MYL3: variants seen among roughly 807,000 people sequenced by gnomAD.
MYL3 encodes the protein CMLC1.
In MYL3, 11 loss-of-function variants were observed where a neutral mutation model predicts 21.3. The observed-to-expected ratio is 0.52, with a 90% CI of 0.32 to 0.85. MYL3 has a LOEUF of 0.85. Among genes scored for constraint, MYL3 ranks in the 40% least tolerant of loss-of-function variants. The probability of loss-of-function intolerance (pLI) is 0.03; values close to 1 mark genes in which losing one functional copy is unlikely to be tolerated. For synonymous variants in MYL3, 88 were observed against 91.6 expected, an observed-to-expected ratio of 0.96 and a Z score of 0.22; for missense variants, 206 against 253.3, an observed-to-expected ratio of 0.81 and a Z score of 1.27.
chr3:46,859,458 G>T lies in MYL3; in HGVS notation c.481+17C>A, dbSNP rs924025543. ...GTCCCTGGAAGGAGTTGGGGTAGGG[G>T]AGGAGGCTGCCCTCACCCAGCGTGG... On this transcript the variant is annotated intron_variant, in intron 4 of 6. Transcript: ENST00000292327. This position sits in a 1 kb window ranked among gnomAD's most constrained non-coding sequence, Gnocchi z 4.1. The T allele has an allele frequency of 1.2e-6, 2 of 1,613,824 alleles. No individual in the cohort carries two copies. The highest frequency in any genetic ancestry group is 1.7e-6 in the Non-Finnish European group (2 of 1,179,974).
intron 1 of MYL3, chr3:46,877,818 C>G (rs771844578): frequency 1.3e-5 from 2 of 152,266 alleles, no homozygotes; most frequent in Non-Finnish European, 1.5e-5. Flanking sequence ...GCTTTAGGCC[C>G]GACTTGGAAG....
In MYL3 at chr3:46,858,383, C is replaced by T. The variant is rs113453656; in HGVS notation, c.559+1G>A. ...AAGACCCCTGCCCCTGCTGAGCCCA[C>T]CTTCATAGTTGATGCAGCCATTGGA... is the stretch of plus-strand genomic sequence containing the variant. On this transcript the variant is annotated splice_donor_variant, in intron 5 of 6. Transcript: ENST00000292327. LOFTEE classifies it high-confidence loss of function. The T allele has an allele frequency of 6.2e-7, 1 of 1,614,158 alleles. No homozygotes were observed. The highest frequency in any genetic ancestry group is 1.1e-5 in the South Asian group (1 of 91,090).
At chr3:46,871,897 T>C (rs767247043) in intron 1 of MYL3, among the ~76,000 whole-genome samples, 2 of 152,204 alleles carry the variant, frequency 1.3e-5, no homozygotes, top group Non-Finnish European at 2.9e-5. Context: ...TAGGAGACAC[T>C]GGAGCATCAT....
At chr3:46,869,972 G>A (rs1340894374) in intron 1 of MYL3, among the ~76,000 whole-genome samples, 1 of 152,008 alleles carries the variant, frequency 6.6e-6, no homozygotes, top group African/African-American at 2.4e-5. Context: ...CTGGAGACAG[G>A]GACCCTTGGC....
At chr3:46,868,817 G>A (rs1452279218) in intron 1 of MYL3, among the ~76,000 whole-genome samples, 1 of 152,194 alleles carries the variant, frequency 6.6e-6, no homozygotes, top group East Asian at 1.9e-4. Context: ...GAGGGAGATT[G>A]AAAATGTGTC....
Position 46,874,548 on chromosome 3 carries a change from G to A in MYL3, c.-218+7526C>T, listed in dbSNP as rs2030081108. Among the ~76,000 whole-genome samples, 2 of 151,954 alleles carry A rather than the reference G, an allele frequency of 1.3e-5. No homozygotes were observed. Among genetic ancestry groups the A allele is most frequent in the Non-Finnish European group, 2.9e-5 (2 of 67,994 alleles). ...CCTGGCCCCCTCCTCCCTTCAAACC[G>A]CAGGGCCCAGCCGGCCTCTGGAACG... On this transcript the variant is annotated intron_variant, in intron 1 of 3. Transcript: ENST00000431168. This position sits in a 1 kb window ranked among gnomAD's most constrained non-coding sequence, Gnocchi z 4.1.
intron 1 of MYL3, among the ~76,000 whole-genome samples, chr3:46,862,269 G>A (rs1204381932): frequency 6.6e-6 from 1 of 152,212 alleles, no homozygotes; most frequent in African/African-American, 2.4e-5. Context: ...CATATACTCT[G>A]AATGGTTCCC....
intron 1 of MYL3, chr3:46,880,230 G>A (rs1355620659): frequency 1.3e-5 from 2 of 152,306 alleles, no homozygotes; most frequent in Non-Finnish European, 2.9e-5. Context: ...AGGGAGGGGA[G>A]TGTCCTTTAC....
chr3:46,867,614 T>C (rs922111666), upstream of MYL3, among the ~76,000 whole-genome samples: 1 of 152,204 alleles, frequency 6.6e-6, no homozygotes, highest in Admixed American at 6.5e-5. Flanking sequence ...CACGTGCCCT[T>C]GTCCCCTGGG....
Position 46,861,110 on chromosome 3 carries a change from GC to G in MYL3, c.130-124del. On this transcript the variant is annotated intron_variant, in intron 1 of 6. Transcript: ENST00000292327. The surrounding 1 kb of genome is among the most constrained non-coding windows in gnomAD (Gnocchi z 4.2). ...CAGCCTGTCCCATTCCAGCATCCCA[GC>G]CTGCACCCCCAGGACCTCCTGCAGT... 8.7e-7 allele frequency: 1 copy of G among 1,155,120 alleles called. No individual in the cohort carries two copies. Among genetic ancestry groups the G allele is most frequent in the Non-Finnish European group, 1.3e-6 (1 of 776,168 alleles). The allele number at this position is 1,155,120 out of a possible 1,614,324, so 71.6% of individuals were successfully genotyped here.
chr3:46,878,996 G>A lies in MYL3; in HGVS notation c.-218+3078C>T, dbSNP rs187047815. On this transcript the variant is annotated intron_variant, in intron 1 of 3. Coordinates refer to the MYL3 transcript ENST00000431168. ...GACTCTGAGCCCCTGGGGCGTGCTT[G>A]TCAAAAAGGGCAAGCTGACTCTGCC... Among the ~76,000 whole-genome samples the A allele has an allele frequency of 1.5e-3, 226 of 152,342 alleles. 2 individuals are homozygous for A. The highest frequency in any genetic ancestry group is 6.1e-3 in the Admixed American group (93 of 15,312).
Position 46,879,200 on chromosome 3 carries a change from C to T in MYL3, c.-218+2874G>A, listed in dbSNP as rs1361690178. Among the ~76,000 whole-genome samples the T allele has an allele frequency of 6.6e-6, 1 of 152,106 alleles. No homozygotes were observed. Among genetic ancestry groups the T allele is most frequent in the Non-Finnish European group, 1.5e-5 (1 of 68,010 alleles). ...GCAGGAGGAATGCCCTTAAGGGACCCAGCACCCATCAGATTCCTCTCTGCA... is the reference window on the plus strand; with the variant it reads ...GCAGGAGGAATGCCCTTAAGGGACCTAGCACCCATCAGATTCCTCTCTGCA... On this transcript the variant is annotated intron_variant, in intron 1 of 3. Coordinates refer to the MYL3 transcript ENST00000431168. This position sits in a 1 kb window ranked among gnomAD's most constrained non-coding sequence, Gnocchi z 4.7.
intron 1 of MYL3, among the ~76,000 whole-genome samples, chr3:46,862,669 C>T (rs537413482): frequency 6.6e-6 from 1 of 152,314 alleles, no homozygotes; most frequent in East Asian, 1.9e-4. Flanking sequence ...GCTCCTGGGG[C>T]CACTGGTCAT....
At chr3:46,870,996 G>A (rs1047805613) in intron 1 of MYL3, among the ~76,000 whole-genome samples, 37 of 152,108 alleles carry the variant, frequency 2.4e-4, no homozygotes, top group Admixed American at 5.9e-4. Context: ...GCATGTTCAC[G>A]CGCCTGTGCA....
At chr3:46,873,528 C>G (rs762637529) in intron 1 of MYL3, among the ~76,000 whole-genome samples, 13 of 152,146 alleles carry the variant, frequency 8.5e-5, no homozygotes, top group Non-Finnish European at 1.6e-4. Flanking sequence ...TGTGGTTACG[C>G]TTGATTGGAA....
chr3:46,859,764 A>G lies in MYL3; in HGVS notation c.308-116T>C, dbSNP rs895388589. 8.3e-7 allele frequency: 1 copy of G among 1,210,832 alleles called. No individual in the cohort carries two copies. Among genetic ancestry groups the G allele is most frequent in the African/African-American group, 1.5e-5 (1 of 66,978 alleles). 75.0% of individuals were successfully genotyped at this position (1,210,832 alleles called of 1,614,324 possible). A position where few individuals can be genotyped will look rare whatever the true frequency, so the allele number is the denominator to read the frequency against. On this transcript the variant is annotated intron_variant, in intron 3 of 6. Coordinates refer to ENST00000292327, the MANE Select transcript of MYL3 (RefSeq NM_000258.3). The surrounding 1 kb of genome is among the most constrained non-coding windows in gnomAD (Gnocchi z 4.1). The stretch of plus-strand genomic sequence containing the variant: ...CTCACACAGTTCTACAACAGTCTAC[A>G]CCAGTTCTCACAGCAGTCTACACCA...
intron 1 of MYL3, among the ~76,000 whole-genome samples, chr3:46,876,876 G>A (rs1040294401): frequency 3.9e-5 from 6 of 152,190 alleles, no homozygotes; most frequent in Non-Finnish European, 7.3e-5. Flanking sequence ...CGGGTCACAG[G>A]GCCTGGGGGT....
upstream of MYL3, among the ~76,000 whole-genome samples, chr3:46,864,888 A>G (rs1477490394): frequency 2.6e-5 from 4 of 152,342 alleles, no homozygotes; most frequent in South Asian, 8.3e-4. The surrounding 1 kb of genome is among the most constrained non-coding windows in gnomAD (Gnocchi z 4.7). Context: ...CTCTTCCCGC[A>G]TGGGGACGCC....
Position 46,861,862 on chromosome 3 carries a change from G to C in MYL3, c.130-875C>G, listed in dbSNP as rs1701995869. Among the ~76,000 whole-genome samples the C allele has an allele frequency of 6.6e-6, 1 of 152,176 alleles. No homozygotes were observed. The highest frequency in any genetic ancestry group is 2.4e-5 in the African/African-American group (1 of 41,444). Reference sequence around the variant, plus strand: ...CGTCTCTCTCATGGCTGCTGCCACGGAGCCCCACCAATCTCCACAGTGCAT... The same window carrying C: ...CGTCTCTCTCATGGCTGCTGCCACGCAGCCCCACCAATCTCCACAGTGCAT... On this transcript the variant is annotated intron_variant, in intron 1 of 6. Transcript: ENST00000292327. The surrounding 1 kb of genome is among the most constrained non-coding windows in gnomAD (Gnocchi z 4.2).
Sources: allele counts gnomAD v4.1 joint callset (sites outside exome capture counted in the v4.1 genomes callset), GRCh38; gene constraint gnomAD v4.1.1; non-coding constraint Gnocchi (gnomAD v3.1); transcripts MANE v1.5; gene names NCBI Gene and HGNC (gene_info 2026-07-23, HGNC 2026-07-21).